The following MYEF2 variants were observed in gnomAD, a reference collection of about 807,000 sequenced individuals.
MYEF2 encodes the protein myelin gene expression factor 2.
MYEF2 carries 37 observed loss-of-function variants against 75.2 expected under a neutral mutation model. The observed-to-expected ratio is 0.49, with a 90% CI of 0.38 to 0.65. MYEF2 has a LOEUF of 0.65. Among genes scored for constraint, MYEF2 ranks in the 30% least tolerant of loss-of-function variants. The pLI, the probability that MYEF2 is intolerant of heterozygous loss-of-function variation, is 0.00. For synonymous variants in MYEF2, 195 were observed against 241.6 expected, an observed-to-expected ratio of 0.81 and a Z score of 1.79; for missense variants, 634 against 771.4, an observed-to-expected ratio of 0.82 and a Z score of 2.11.
chr15:48,158,302 T>TA (rs1491309091), intron 7 of MYEF2, 78 bp from the exon 8 acceptor site: 1 of 1,354,868 alleles, frequency 7.4e-7, no homozygotes, highest in Non-Finnish European at 1.0e-6. Context: ...TTAATAATCT[T>TA]AGAGTCCAAC....
At position 48,151,916 on chromosome 15, in the gene MYEF2, T is replaced by G. The variant is rs368699249; in HGVS notation, c.1165A>C (p.Met389Leu). The change falls in exon 12 of 17, where the codon ATG becomes CTG. Residue 389 changes from methionine (M) to leucine (L), a missense_variant. Physicochemically the swap from Met to Leu is conservative, Grantham distance 15 (BLOSUM62 2). Transcript: ENST00000324324. ...CCTCCAAATCCTCCCATGCTATTCA[T>G]TGCTTCCAGACCACCAAACCCTATT... ...GGIGFGGLEA[M>L]NSMGGFGGVG... The G allele has an allele frequency of 9.4e-5, 152 of 1,613,396 alleles. No homozygotes were observed. Among genetic ancestry groups the G allele is most frequent in the Middle Eastern group, 1.6e-4 (1 of 6,080 alleles).
chr15:48,156,590 A>C (rs917229426), intron 9 of MYEF2, among the ~76,000 whole-genome samples: 8 of 151,990 alleles, frequency 5.3e-5, no homozygotes. Context: ...TTTTACACAT[A>C]ATTTCTAGCA....
intron 1 of MYEF2, among the ~76,000 whole-genome samples, chr15:48,173,199 A>G (rs1334011457): frequency 4.6e-5 from 7 of 152,248 alleles, no homozygotes; most frequent in African/African-American, 1.7e-4. Context: ...ACATAAATCA[A>G]TAAATGTTAT....
chr15:48,142,698 G>A lies in MYEF2; in HGVS notation c.*210C>T. 7.8e-6 allele frequency: 4 copies of A among 511,788 alleles called. No homozygotes were observed. The South Asian group carries it at 1.4e-4, about 18-fold the overall frequency. The allele number at this position is 511,788 out of a possible 1,614,324, so 31.7% of individuals were successfully genotyped here. A position where few individuals can be genotyped will look rare whatever the true frequency, so the allele number is the denominator to read the frequency against. ...AACAGTATAACCATTCATTTAAACT[G>A]AATGACCAGACTTGCTGTCTTTAAA... On this transcript the variant is annotated 3_prime_UTR_variant, in exon 17 of 17. Transcript: ENST00000324324.
chr15:48,169,730 G>C (rs189646769), intron 1 of MYEF2: 21 of 151,996 alleles, frequency 1.4e-4, no homozygotes, highest in African/African-American at 5.1e-4. Flanking sequence ...CTGAGCAGCT[G>C]GGATTACAGG....
chr15:48,158,731 C>T, intron 7 of MYEF2, 38 bp downstream of exon 7: 1 of 1,610,906 alleles, frequency 6.2e-7, no homozygotes, highest in African/African-American at 1.3e-5. Flanking sequence ...TATGCTTCTT[C>T]AACCTCATAA....
chr15:48,137,239 TAGG>T lies in MYEF2; in HGVS notation c.*5666_*5668del. 3.1e-6 allele frequency: 1 copy of T among 323,532 alleles called. No homozygotes were observed. Among genetic ancestry groups the T allele is most frequent in the Non-Finnish European group, 5.6e-6 (1 of 177,810 alleles). 20.0% of individuals were successfully genotyped at this position (323,532 alleles called of 1,614,324 possible). The stretch of plus-strand genomic sequence containing the variant: ...ATTGCCAAAATGTGGTGAGGACAGA[TAGG>T]AGATTTTCACAGAGAAGGGAGCATT... On this transcript the variant is annotated 3_prime_UTR_variant, in exon 17 of 17. Coordinates refer to ENST00000324324, the MANE Select transcript of MYEF2 (RefSeq NM_016132.5).
chr15:48,136,633 C>T lies in MYEF2; in HGVS notation c.*6275G>A. The T allele has an allele frequency of 2.0e-6, 3 of 1,520,944 alleles. No homozygotes were observed. Among genetic ancestry groups the T allele is most frequent in the Non-Finnish European group, 2.7e-6 (3 of 1,125,104 alleles). 94.2% of individuals were successfully genotyped at this position (1,520,944 alleles called of 1,614,324 possible). On this transcript the variant is annotated 3_prime_UTR_variant, in exon 17 of 17. Coordinates refer to ENST00000324324, the MANE Select transcript of MYEF2 (RefSeq NM_016132.5). ...AGATACTGCCCAAAAGCTATCAACT[C>T]TAAAATGACTTTCACTTTTAATTTA... is the stretch of plus-strand genomic sequence containing the variant.
chr15:48,142,737 G>T lies in MYEF2; in HGVS notation c.*171C>A. ...GCTGTCTTTAAAAACCCAAACTTGA[G>T]ATTAACAAAAATTACAGTATATTTT... On this transcript the variant is annotated 3_prime_UTR_variant, in exon 17 of 17. Transcript: ENST00000324324. The T allele has an allele frequency of 1.6e-6, 1 of 626,884 alleles. No homozygotes were observed. Among genetic ancestry groups the T allele is most frequent in the Non-Finnish European group, 2.5e-6 (1 of 399,552 alleles). The allele number at this position is 626,884 out of a possible 1,614,324, so 38.8% of individuals were successfully genotyped here. A position where few individuals can be genotyped will look rare whatever the true frequency, so the allele number is the denominator to read the frequency against.
At chr15:48,164,539 G>C (rs370604844) in intron 5 of MYEF2, among the ~76,000 whole-genome samples, 1 of 152,198 alleles carries the variant, frequency 6.6e-6, no homozygotes, top group Non-Finnish European at 1.5e-5. Context: ...GCAGGTTTGA[G>C]AGGACTGACT....
chr15:48,151,212 A>C, intron 13 of MYEF2, 41 bp from the exon 14 acceptor site: 1 of 1,498,304 alleles, frequency 6.7e-7, no homozygotes, highest in Non-Finnish European at 9.1e-7. Flanking sequence ...TTAATTTTAA[A>C]TAATCATACT....
intron 9 of MYEF2, 176 bp downstream of exon 9, chr15:48,157,817 G>A (rs544539356): frequency 2.7e-5 from 36 of 1,335,324 alleles, no homozygotes; most frequent in African/African-American, 2.4e-4. Flanking sequence ...AAAATGGCAC[G>A]TAACACTTAT....
intron 1 of MYEF2, among the ~76,000 whole-genome samples, chr15:48,170,079 T>A (rs1427355954): frequency 2.6e-5 from 4 of 152,192 alleles, no homozygotes; most frequent in Non-Finnish European, 5.9e-5. Flanking sequence ...AAGTCTTTTT[T>A]ACAGCACAAA....
chr15:48,174,156 A>G (rs552128700), intron 1 of MYEF2, among the ~76,000 whole-genome samples: 1 of 152,280 alleles, frequency 6.6e-6, no homozygotes, highest in South Asian at 2.1e-4. Flanking sequence ...AGACCAATGG[A>G]GCATAACAAA....
chr15:48,155,972 TTC>T (rs1295540325), intron 9 of MYEF2, among the ~76,000 whole-genome samples: 2 of 151,940 alleles, frequency 1.3e-5, no homozygotes, highest in Non-Finnish European at 2.9e-5. Flanking sequence ...GAGACGGGGT[TTC>T]ACCATGTTGA....
chr15:48,166,151 A>C (rs1244166272), intron 3 of MYEF2, 23 bp from the exon 4 acceptor site: 2 of 1,553,904 alleles, frequency 1.3e-6, no homozygotes, highest in South Asian at 2.3e-5. Context: ...AGATTTGTCA[A>C]AATATGCAAA....
chr15:48,157,751 C>G, intron 9 of MYEF2: 1 of 1,197,100 alleles, frequency 8.4e-7, no homozygotes, highest in Non-Finnish European at 1.0e-6. Flanking sequence ...ATAAATTTAC[C>G]AAACATTTTA....
intron 7 of MYEF2, 138 bp downstream of exon 7, chr15:48,158,631 G>A (rs2039802828): frequency 9.9e-7 from 1 of 1,005,218 alleles, no homozygotes; most frequent in Admixed American, 2.2e-5. Flanking sequence ...CCTACTAAGG[G>A]TTTTATTTGC....
chr15:48,143,432 T>G (rs976453760), intron 16 of MYEF2, among the ~76,000 whole-genome samples: 51 of 152,138 alleles, frequency 3.4e-4, no homozygotes, highest in African/African-American at 1.2e-3. Flanking sequence ...AACAAAATTA[T>G]TTTTAGAATA....
Sources: gnomAD v4.1 joint callset for allele counts (sites outside exome capture counted in the v4.1 genomes callset) on GRCh38, gnomAD v4.1.1 for gene constraint, MANE v1.5 for transcripts, NCBI Gene and HGNC (gene_info 2026-07-23, HGNC 2026-07-21) for gene names.